BPIFB2: variants seen among roughly 807,000 people sequenced by gnomAD.
The protein encoded by BPIFB2 is BPI fold-containing family B member 2.
A neutral mutation model predicts 50.1 loss-of-function variants in BPIFB2; 39 were observed. That is an observed-to-expected ratio of 0.78 (90% CI 0.60 to 1.02). The LOEUF is 1.02. BPIFB2 is among the 50% of genes least tolerant of loss of function. The probability of loss-of-function intolerance (pLI) is 0.00; values close to 1 mark genes in which losing one functional copy is unlikely to be tolerated. For synonymous variants in BPIFB2, 280 were observed against 256.3 expected (o/e 1.09, Z -0.88); for missense variants, 574 against 585.8 (o/e 0.98, Z 0.21).
At chr20:33,008,482 C>A (rs1405577411) in intron 1 of BPIFB2, 59 bp from the exon 2 acceptor site, 3 of 1,010,376 alleles carry the variant, frequency 3.0e-6, no homozygotes, top group Non-Finnish European at 4.3e-6. Flanking sequence ...GAGTGGGGTT[C>A]GGGTGGCTCA....
chr20:33,015,542 G>A lies in BPIFB2; in HGVS notation c.516+46G>A, dbSNP rs201036402. On this transcript the variant is annotated intron_variant, in intron 6 of 15. Coordinates refer to ENST00000170150, the MANE Select transcript of BPIFB2 (RefSeq NM_025227.3). ...TCAGAAAGGAGGGCATGGCTTCACC[G>A]AGAAGGCACAGTGAAGAAAGAGTGG... The A allele has an allele frequency of 5.6e-5, 84 of 1,511,672 alleles. No individual in the cohort carries two copies. The African/African-American group carries it at 8.4e-4, about 15-fold the overall frequency. The allele number at this position is 1,511,672 out of a possible 1,614,324, so 93.6% of individuals were successfully genotyped here.
rs1978759633 is a variant in BPIFB2 at position 33,023,512 on chromosome 20, G to A, written c.*129G>A. 5 of 1,136,426 alleles carry A rather than the reference G, an allele frequency of 4.4e-6. No individual in the cohort carries two copies. The highest frequency in any genetic ancestry group is 4.9e-5 in the East Asian group (2 of 40,824). The allele number at this position is 1,136,426 out of a possible 1,614,324, so 70.4% of individuals were successfully genotyped here. On this transcript the variant is annotated 3_prime_UTR_variant, in exon 16 of 16. Coordinates refer to ENST00000170150, the MANE Select transcript of BPIFB2 (RefSeq NM_025227.3). ...ACCAACAAGCTGGACTGCTTAGCTG[G>A]GCTGTTTTATCTTCCCTGAGTGCCT... is the stretch of plus-strand genomic sequence containing the variant.
At chr20:33,020,213 G>A (rs1978608375) in intron 11 of BPIFB2, 115 bp from the exon 12 acceptor site, 5 of 996,454 alleles carry the variant, frequency 5.0e-6, no homozygotes, top group South Asian at 1.5e-5. Flanking sequence ...GCACATAGCA[G>A]GGGCTCCACA....
rs1434437894 is a variant in BPIFB2, at chr20:33,012,851, T to C, written c.252T>C (p.Ile84=). 6.2e-7 allele frequency: 1 copy of C among 1,614,132 alleles called. No homozygotes were observed. The highest frequency in any genetic ancestry group is 8.5e-7 in the Non-Finnish European group (1 of 1,180,014). Reference sequence around the variant, plus strand: ...TGCCCCGCCTCCACCTGAAATTCATTGCTGGTTTCGGAGTGCGCCTGCTGG... The same window carrying C: ...TGCCCCGCCTCCACCTGAAATTCATCGCTGGTTTCGGAGTGCGCCTGCTGG... ...VHVPRLHLKF[I]AGFGVRLLAA... Residue 84 remains isoleucine, a synonymous_variant, in exon 4 of 16, where the codon ATT becomes ATC. Coordinates refer to ENST00000170150, the MANE Select transcript of BPIFB2 (RefSeq NM_025227.3).
intron 1 of BPIFB2, 41 bp from the exon 2 acceptor site, chr20:33,008,500 G>A: frequency 7.8e-7 from 1 of 1,282,286 alleles, no homozygotes; most frequent in South Asian, 1.4e-5. Flanking sequence ...TCAGGGGTGG[G>A]CTGTTTTGGC....
At chr20:33,020,619 C>T in intron 13 of BPIFB2, 32 bp downstream of exon 13, 4 of 1,579,420 alleles carry the variant, frequency 2.5e-6, no homozygotes, top group Non-Finnish European at 3.4e-6. Flanking sequence ...CTAGAAACCC[C>T]CGTCCTGGGT....
rs374384016 is a variant in BPIFB2 at position 33,017,133 on chromosome 20, G to T, written c.577+31G>T. On this transcript the variant is annotated intron_variant, in intron 7 of 15. Coordinates refer to ENST00000170150, the MANE Select transcript of BPIFB2 (RefSeq NM_025227.3). ...ATCTGGGAGCCAGGGGAGGGGGCTGGGGCCTCTGGGACCCCCTGGAGCCCC... is the reference window on the plus strand; with the variant it reads ...ATCTGGGAGCCAGGGGAGGGGGCTGTGGCCTCTGGGACCCCCTGGAGCCCC... The T allele has an allele frequency of 2.2e-5, 36 of 1,605,436 alleles. 1 individual carries two copies. Among genetic ancestry groups the T allele is most frequent in the East Asian group, 2.0e-4 (9 of 44,846 alleles).
At chr20:33,020,661 C>T in intron 13 of BPIFB2, 74 bp downstream of exon 13, 1 of 1,482,180 alleles carries the variant, frequency 6.7e-7, no homozygotes, top group South Asian at 1.3e-5. Context: ...GAAGAGATGG[C>T]TGTGTACATG....
Position 33,012,890 on chromosome 20 carries a change from T to C in BPIFB2, c.291T>C (p.Phe97=). 2 of 1,612,994 alleles carry C rather than the reference T, an allele frequency of 1.2e-6. No individual in the cohort carries two copies. The highest frequency in any genetic ancestry group is 1.7e-6 in the Non-Finnish European group (2 of 1,178,996). ...TGCGCCTGCTGGCAGCAGCTAATTT[T>C]ACTTTCAAGGTCTTTCGGTGAGCGG... ...FGVRLLAAAN[F]TFKVFRAPEP... is the part of the protein sequence containing the mutation. The change falls in exon 4 of 16, where the codon TTT becomes TTC. Residue 97 remains phenylalanine, a synonymous_variant. Transcript: ENST00000170150.
In BPIFB2 at chr20:33,019,111, C is replaced by A. The variant is rs1171468443; in HGVS notation, c.905C>A (p.Pro302Gln). ...LNTSALGRLI[P>Q]EVARQFPEPM... Reference sequence around the variant, plus strand: ...ACCTCTGCTCTGGGCCGGCTCATCCCGGAGGTCGGTGATGTTTCTGATCAT... The same window carrying A: ...ACCTCTGCTCTGGGCCGGCTCATCCAGGAGGTCGGTGATGTTTCTGATCAT... Residue 302 changes from proline (P) to glutamine (Q), a missense_variant, in exon 10 of 16, where the codon CCG becomes CAG. Coordinates refer to ENST00000170150, the MANE Select transcript of BPIFB2 (RefSeq NM_025227.3). 6.2e-7 allele frequency: 1 copy of A among 1,614,104 alleles called. No individual in the cohort carries two copies. Among genetic ancestry groups the A allele is most frequent in the Admixed American group, 1.7e-5 (1 of 60,024 alleles).
chr20:33,020,274 G>C (rs369911345), intron 11 of BPIFB2, 54 bp from the exon 12 acceptor site: 46 of 1,552,590 alleles, frequency 3.0e-5, no homozygotes, highest in East Asian at 4.5e-5. Context: ...CTGGGTGGCT[G>C]GTGCCCCCCT....
chr20:33,015,601 A>T (rs1978391095), intron 6 of BPIFB2, 105 bp downstream of exon 6: 1 of 196,092 alleles, frequency 5.1e-6, no homozygotes, highest in Non-Finnish European at 7.7e-6. Context: ...CTTGGGATTA[A>T]AAAAAAAAAA....
intron 6 of BPIFB2, among the ~76,000 whole-genome samples, chr20:33,016,434 C>G (rs1024886932): frequency 6.6e-6 from 1 of 152,158 alleles, no homozygotes; most frequent in African/African-American, 2.4e-5. Flanking sequence ...AAGGAAGACC[C>G]ACCCTCTCCT....
rs1990310457 is a variant in BPIFB2, at chr20:33,012,990, T to A, written c.308+83T>A. 2.6e-6 allele frequency: 3 copies of A among 1,144,060 alleles called. No homozygotes were observed. In the South Asian group the frequency reaches 3.9e-5, roughly 15 times the overall value. The allele number at this position is 1,144,060 out of a possible 1,614,324, so 70.9% of individuals were successfully genotyped here. ...CAGTGAGGGGACGGGGGGTAGCAAC[T>A]CCTCCAGGGCCCTCATCCAGGCCTC... On this transcript the variant is annotated intron_variant, in intron 4 of 15. Coordinates refer to ENST00000170150, the MANE Select transcript of BPIFB2 (RefSeq NM_025227.3).
intron 11 of BPIFB2, 64 bp downstream of exon 11, chr20:33,019,814 C>A: frequency 6.7e-7 from 1 of 1,484,190 alleles, no homozygotes; most frequent in South Asian, 1.4e-5. Flanking sequence ...CCCTGCTTCA[C>A]TGTCCCCTCA....
intron 15 of BPIFB2, 79 bp downstream of exon 15, chr20:33,021,878 C>T (rs951013325): frequency 9.4e-5 from 133 of 1,414,124 alleles, no homozygotes; most frequent in Non-Finnish European, 1.2e-4. Context: ...CTCTCTCCCT[C>T]CCCCTCTGTG....
At chr20:33,012,199 G>A (rs925244176) in intron 3 of BPIFB2, among the ~76,000 whole-genome samples, 1 of 152,114 alleles carries the variant, frequency 6.6e-6, no homozygotes, top group African/African-American at 2.4e-5. Context: ...ATCACTTGTG[G>A]TCTGGCCACA....
intron 15 of BPIFB2, among the ~76,000 whole-genome samples, chr20:33,022,635 C>A (rs1978717362): frequency 6.6e-6 from 1 of 152,214 alleles, no homozygotes; most frequent in Non-Finnish European, 1.5e-5. Context: ...GAAATTTATA[C>A]TGTCCAAAGC....
chr20:33,008,503 G>A (rs545115616), intron 1 of BPIFB2, 38 bp from the exon 2 acceptor site: 2 of 1,363,726 alleles, frequency 1.5e-6, no homozygotes, highest in East Asian at 2.6e-5. Flanking sequence ...GGGGTGGGCT[G>A]TTTTGGCTGA....
Sources: allele counts gnomAD v4.1 joint callset (sites outside exome capture counted in the v4.1 genomes callset), GRCh38; gene constraint gnomAD v4.1.1; transcripts MANE v1.5; gene names NCBI Gene and HGNC (gene_info 2026-07-23, HGNC 2026-07-21).